Variants in WDR90 observed in about 807,000 individuals in gnomAD.
The protein encoded by WDR90 is WD repeat domain 90, also known as WD repeat-containing protein 90.
In WDR90, 238 loss-of-function variants were observed where a neutral mutation model predicts 195.2. That is an observed-to-expected ratio of 1.22 (90% CI 1.10 to 1.36). The LOEUF (loss-of-function observed/expected upper bound fraction) is 1.36. Ranked by LOEUF, WDR90 falls within the 40% of genes most tolerant of loss-of-function variation. WDR90 has a pLI of 0.00. For missense variants in WDR90, 2,734 were observed against 2,439.5 expected, an observed-to-expected ratio of 1.12 and a Z score of -2.54; for synonymous variants, 1,265 against 1,052.4, an observed-to-expected ratio of 1.20 and a Z score of -3.91.
chr16:654,449 T>A (rs1232682482), intron 13 of WDR90: 1 of 152,982 alleles, frequency 6.5e-6, no homozygotes, highest in Non-Finnish European at 1.4e-5. Flanking sequence ...GGCGCGATCT[T>A]AGCTCACTGC....
rs201698507 is a variant in WDR90, at chr16:649,940, C to G, written c.103-51C>G. The G allele has an allele frequency of 1.8e-3, 2,827 of 1,606,994 alleles. 4 individuals carry two copies. Among genetic ancestry groups the G allele is most frequent in the Non-Finnish European group, 2.3e-3 (2,678 of 1,176,376 alleles). ...CCGCCCCCGAGGGCCCCCTCGCCCC[C>G]GCTGCACTTCTTCTGGGTGCTGTCG... On this transcript the variant is annotated intron_variant, in intron 2 of 40. Coordinates refer to ENST00000293879, the MANE Select transcript of WDR90 (RefSeq NM_145294.5).
At chr16:660,875 T>C in intron 28 of WDR90, 161 bp downstream of exon 28, 1 of 839,906 alleles carries the variant, frequency 1.2e-6, no homozygotes, top group East Asian at 6.0e-5. Context: ...GCCGAGGTCC[T>C]GTGAAGCACT....
rs148376127 is a variant in WDR90, at chr16:658,860, G to A, written c.2896-36G>A. On this transcript the variant is annotated intron_variant, in intron 23 of 40. Coordinates refer to ENST00000293879, the MANE Select transcript of WDR90 (RefSeq NM_145294.5). ...GGGCACACGGCAGCATCCATGCCCC[G>A]CCTCGGGGTCCTGCATGTGACGCCG... 6.8e-4 allele frequency: 1,089 copies of A among 1,605,982 alleles called. 9 individuals carry two copies. In the African/African-American group the frequency reaches 0.013, roughly 19 times the overall value.
chr16:650,172 G>C lies in WDR90; in HGVS notation c.279+5G>C. ...CACCTCGATGTGTCCTCCAAGGTAC[G>C]GAGCCCGCGGCTGGGGGCTGCGTGG... On this transcript the variant is annotated splice_donor_5th_base_variant and intron_variant, in intron 3 of 40. Coordinates refer to ENST00000293879, the MANE Select transcript of WDR90 (RefSeq NM_145294.5). 6.2e-7 allele frequency: 1 copy of C among 1,611,826 alleles called. No individual in the cohort carries two copies. Among genetic ancestry groups the C allele is most frequent in the Non-Finnish European group, 8.5e-7 (1 of 1,179,058 alleles).
chr16:661,477 G>C lies in WDR90; in HGVS notation c.3649G>C (p.Asp1217His), dbSNP rs1290774584. 6.2e-7 allele frequency: 1 copy of C among 1,608,864 alleles called. No homozygotes were observed. Among genetic ancestry groups the C allele is most frequent in the Non-Finnish European group, 8.5e-7 (1 of 1,177,126 alleles). The change falls in exon 30 of 41, where the codon GAT becomes CAT. Residue 1217 changes from aspartate (D) to histidine (H), a missense_variant. Asp to His is a moderately conservative substitution (Grantham distance 81). Transcript: ENST00000293879. ...CGTGCTGGCCCTGGCCTTCTCACCA[G>C]ATGACAGGCTTCTTGTCACACTGGG... ...TTVLALAFSP[D>H]DRLLVTLGDH...
intron 34 of WDR90, among the ~76,000 whole-genome samples, chr16:664,137 G>A (rs1014771216): frequency 1.3e-5 from 2 of 152,156 alleles, no homozygotes; most frequent in Non-Finnish European, 1.5e-5. Context: ...AGCTCCGTGT[G>A]TTTCAGGGGG....
At chr16:667,322 A>G in intron 40 of WDR90, 110 bp from the exon 41 acceptor site, 1 of 1,419,300 alleles carries the variant, frequency 7.0e-7, no homozygotes, top group Non-Finnish European at 9.4e-7. Flanking sequence ...TTTTAGCACC[A>G]GCTCCCCCGA....
At chr16:658,489 T>C (rs752581825) in intron 22 of WDR90, 36 bp from the exon 23 acceptor site, 5 of 1,592,876 alleles carry the variant, frequency 3.1e-6, no homozygotes, top group Admixed American at 3.4e-5. Flanking sequence ...GCCACTCTCC[T>C]GAGACACGGC....
In WDR90 at chr16:662,010, G is replaced by C; in HGVS notation, c.3984G>C (p.Thr1328=). Residue 1328 remains threonine (T), a synonymous_variant, in exon 32 of 41, where the codon ACG becomes ACC. Coordinates refer to ENST00000293879, the MANE Select transcript of WDR90 (RefSeq NM_145294.5). ...TSSGQVCVWD[T]RAGRCFLSWE... is the part of the protein sequence containing the mutation. ...CTGGCCAGGTCTGTGTCTGGGACAC[G>C]CGTGCCGGCCGCTGCTTCTTGTCCT... 1 of 1,603,872 alleles carries C rather than the reference G, an allele frequency of 6.2e-7. No homozygotes were observed. Among genetic ancestry groups the C allele is most frequent in the Non-Finnish European group, 8.5e-7 (1 of 1,179,866 alleles).
chr16:653,799 G>A lies in WDR90; in HGVS notation c.1433G>A (p.Arg478Lys), dbSNP rs778679358. ...LCGVGKDHHGRTMVVAWGTGQ... is the reference protein window; with the variant it reads ...LCGVGKDHHGKTMVVAWGTGQ... ...GGGGTTGGCAAGGACCACCACGGGA[G>A]GACGGTAACAGGGCCCTGGCTGCGG... is the stretch of plus-strand genomic sequence containing the variant. The change falls in exon 13 of 41, where the codon AGG becomes AAG. Residue 478 changes from arginine to lysine, a missense_variant. Transcript: ENST00000293879. The A allele has an allele frequency of 3.7e-6, 6 of 1,613,076 alleles. No homozygotes were observed. Among genetic ancestry groups the A allele is most frequent in the African/African-American group, 1.3e-5 (1 of 74,936 alleles).
intron 22 of WDR90, 84 bp from the exon 23 acceptor site, chr16:658,441 T>C (rs2037809551): frequency 4.4e-6 from 7 of 1,575,950 alleles, no homozygotes; most frequent in Non-Finnish European, 6.1e-6. Flanking sequence ...TGGGGGGCCG[T>C]CGCCACACCC....
At position 658,201 on chromosome 16, in the gene WDR90, G is replaced by C. The variant is rs578038949; in HGVS notation, c.2623G>C (p.Gly875Arg). ...SLDELLRVDIGTLDLASSRLD... is the reference protein window; with the variant it reads ...SLDELLRVDIRTLDLASSRLD... ...CCCCCAGCTGCTGCGAGTTGACATC[G>C]GCACTCTGGACCTGGCCAGCAGCCG... Residue 875 changes from glycine to arginine, a missense_variant, in exon 22 of 41, where the codon GGC becomes CGC. Transcript: ENST00000293879. 1 of 1,610,606 alleles carries C rather than the reference G, an allele frequency of 6.2e-7. No individual in the cohort carries two copies. The highest frequency in any genetic ancestry group is 1.3e-5 in the African/African-American group (1 of 74,902).
chr16:666,419 A>G (rs775386953), intron 37 of WDR90, 36 bp from the exon 38 acceptor site: 2 of 1,608,588 alleles, frequency 1.2e-6, no homozygotes, highest in Admixed American at 1.7e-5. Context: ...ATCTTGGCAG[A>G]AGGCACCTGT....
chr16:665,735 T>C lies in WDR90; in HGVS notation c.4368T>C (p.Asp1456=), dbSNP rs564768226. 14 of 1,611,422 alleles carry C rather than the reference T, an allele frequency of 8.7e-6. No homozygotes were observed. The highest frequency in any genetic ancestry group is 5.5e-5 in the South Asian group (5 of 90,956). ...GESHCATCSE[D]GSVRVWALAS... ...CCCACTGCGCCACATGCAGTGAGGATGGGAGTGTGCGGGTGTGGGCCTTGG... is the reference window on the plus strand; with the variant it reads ...CCCACTGCGCCACATGCAGTGAGGACGGGAGTGTGCGGGTGTGGGCCTTGG... Residue 1456 remains aspartate (D), a synonymous_variant, in exon 35 of 41, where the codon GAT becomes GAC. Transcript: ENST00000293879.
chr16:661,563 T>C, intron 30 of WDR90, 34 bp from the exon 31 acceptor site: 1 of 1,580,246 alleles, frequency 6.3e-7, no homozygotes, highest in Non-Finnish European at 8.6e-7. Flanking sequence ...GCTGCATCTG[T>C]GCACCTGACG....
rs138466775 is a variant in WDR90 at position 650,175 on chromosome 16, G to A, written c.279+8G>A. On this transcript the variant is annotated splice_region_variant and intron_variant, in intron 3 of 40. Transcript: ENST00000293879. ...CTCGATGTGTCCTCCAAGGTACGGA[G>A]CCCGCGGCTGGGGGCTGCGTGGGAG... 1.2e-6 allele frequency: 2 copies of A among 1,611,624 alleles called. No homozygotes were observed. Among genetic ancestry groups the A allele is most frequent in the East Asian group, 4.5e-5 (2 of 44,838 alleles).
chr16:666,175 C>T (rs1329773962), intron 36 of WDR90, 45 bp from the exon 37 acceptor site: 2 of 1,605,906 alleles, frequency 1.2e-6, no homozygotes, highest in Non-Finnish European at 1.7e-6. Context: ...TGGCCCAGGT[C>T]CAGTCTCCGG....
intron 17 of WDR90, 81 bp from the exon 18 acceptor site, chr16:656,221 G>C: frequency 7.6e-7 from 1 of 1,311,764 alleles, no homozygotes; most frequent in Admixed American, 2.0e-5. Context: ...TGCATTTGCT[G>C]GGGTGTCGGG....
chr16:666,254 C>G lies in WDR90; in HGVS notation c.4644C>G (p.Leu1548=), dbSNP rs1438694477. ...TCCTCTCTGGAGACAAGGATGGGCT[C>G]GTGGCTGTGAGCCACCCCTGCACAG... ...QTVLSGDKDG[L]VAVSHPCTGT... Residue 1548 remains leucine, a synonymous_variant, in exon 37 of 41, where the codon CTC becomes CTG. Transcript: ENST00000293879. The G allele has an allele frequency of 1.2e-6, 2 of 1,612,694 alleles. No individual in the cohort carries two copies. The highest frequency in any genetic ancestry group is 1.7e-6 in the Non-Finnish European group (2 of 1,179,954).
Sources: gnomAD v4.1 joint callset for allele counts (sites outside exome capture counted in the v4.1 genomes callset) on GRCh38, gnomAD v4.1.1 for gene constraint, MANE v1.5 for transcripts, NCBI Gene and HGNC (gene_info 2026-07-23, HGNC 2026-07-21) for gene names.